The following MCC variants were observed in gnomAD, a reference collection of about 807,000 sequenced individuals.
MCC encodes MCC regulator of Wnt signaling pathway.
Under a neutral mutation model 116.2 loss-of-function variants are expected in MCC, and 90 were observed. That is an observed-to-expected ratio of 0.77 (90% CI 0.65 to 0.92). MCC has a LOEUF of 0.92. MCC is among the 40% of genes least tolerant of loss of function. The probability of loss-of-function intolerance (pLI) is 0.00; values close to 1 mark genes in which losing one functional copy is unlikely to be tolerated. For synonymous variants in MCC, 578 were observed against 510.5 expected (o/e 1.13, Z -1.78); for missense variants, 1,516 against 1,312.2 (o/e 1.16, Z -2.40).
At chr5:113,413,435 G>T (rs1770049351) in intron 1 of MCC, among the ~76,000 whole-genome samples, 1 of 152,134 alleles carries the variant, frequency 6.6e-6, no homozygotes, top group Non-Finnish European at 1.5e-5. Context: ...ATTGATTATT[G>T]CCTCAATTTC....
At chr5:113,356,528 T>C (rs1394313475) in intron 2 of MCC, among the ~76,000 whole-genome samples, 2 of 152,024 alleles carry the variant, frequency 1.3e-5, no homozygotes, top group African/African-American at 2.4e-5. Context: ...AAGTGGCAAT[T>C]TGACATATTT....
intron 2 of MCC, among the ~76,000 whole-genome samples, chr5:113,375,092 C>G (rs1360109399): frequency 6.6e-6 from 1 of 151,196 alleles, no homozygotes; most frequent in Non-Finnish European, 1.5e-5. Flanking sequence ...GTTCATATAA[C>G]TCGGTATGAT....
chr5:113,443,991 TTGTG>T (rs34145955), intron 1 of MCC, among the ~76,000 whole-genome samples: 50 of 144,072 alleles, frequency 3.5e-4, no homozygotes, highest in African/African-American at 8.9e-4. Context: ...CTCGGCTAAT[TTGTG>T]TGTGTGTGTG....
chr5:113,191,457 G>A (rs951291499), intron 3 of MCC, among the ~76,000 whole-genome samples: 7 of 152,204 alleles, frequency 4.6e-5, no homozygotes, highest in Admixed American at 2.6e-4. Context: ...TGGCCCTACC[G>A]AATCCAGAGG....
At chr5:113,110,584 G>T (rs1757030320) in intron 6 of MCC, among the ~76,000 whole-genome samples, 1 of 152,218 alleles carries the variant, frequency 6.6e-6, no homozygotes, top group Non-Finnish European at 1.5e-5. Context: ...AATTAAAGTT[G>T]TAGACCATTT....
chr5:113,372,944 C>T (rs1324309772), intron 2 of MCC, among the ~76,000 whole-genome samples: 2 of 151,988 alleles, frequency 1.3e-5, no homozygotes, highest in Non-Finnish European at 2.9e-5. Context: ...TTTGGGAGGC[C>T]GAGGCGGGCG....
chr5:113,103,579 C>T (rs996059801), intron 7 of MCC, among the ~76,000 whole-genome samples: 7 of 152,230 alleles, frequency 4.6e-5, no homozygotes, highest in African/African-American at 1.4e-4. Context: ...TTTGTGCAAT[C>T]CAGGATTCCT....
intron 3 of MCC, among the ~76,000 whole-genome samples, chr5:113,309,384 C>T (rs2150367530): frequency 6.6e-6 from 1 of 152,188 alleles, no homozygotes; most frequent in African/African-American, 2.4e-5. Context: ...ACTCTGCATG[C>T]CTCTGCATAC....
In MCC at chr5:113,232,705, T is replaced by C. The variant is rs141178726; in HGVS notation, c.628-81283A>G. On this transcript the variant is annotated intron_variant, in intron 3 of 18. Transcript: ENST00000408903. ...CCCATTTGAACACAAGAATACAGAA[T>C]TGCAAATTAAGTATAATTAATATAA... Among the ~76,000 whole-genome samples the C allele has an allele frequency of 2.1e-3, 321 of 152,260 alleles. 1 individual carries two copies. The highest frequency in any genetic ancestry group is 7.3e-3 in the African/African-American group (305 of 41,532).
At chr5:113,234,800 G>T (rs1764070852) in intron 3 of MCC, 1 of 152,150 alleles carries the variant, frequency 6.6e-6, no homozygotes, top group Non-Finnish European at 1.5e-5. Context: ...ATGACAAATA[G>T]AACACAAGCT....
At chr5:113,471,725 G>A (rs573639154) in intron 1 of MCC, among the ~76,000 whole-genome samples, 3 of 140,302 alleles carry the variant, frequency 2.1e-5, no homozygotes, top group South Asian at 5.1e-4. Flanking sequence ...AGTCTGCAGA[G>A]GTTACTGCTG....
At chr5:113,443,203 G>T (rs903131874) in intron 1 of MCC, among the ~76,000 whole-genome samples, 2 of 152,134 alleles carry the variant, frequency 1.3e-5, no homozygotes, top group Non-Finnish European at 2.9e-5. Context: ...TCCTTGAAGA[G>T]GTCCTTCACA....
At chr5:113,248,968 C>A (rs766698861) in intron 3 of MCC, among the ~76,000 whole-genome samples, 1 of 151,932 alleles carries the variant, frequency 6.6e-6, no homozygotes, top group Non-Finnish European at 1.5e-5. Flanking sequence ...CTCAGCCTCC[C>A]GAGTAGCTGG....
chr5:113,032,825 G>A (rs2112453), intron 17 of MCC, among the ~76,000 whole-genome samples: 101,888 of 152,024 alleles, frequency 0.67, 34,655 homozygotes, highest in East Asian at 0.79. Flanking sequence ...AACCCAAGAC[G>A]GCCACAAGAA....
intron 16 of MCC, 105 bp from the exon 17 acceptor site, chr5:113,043,735 T>G (rs1016315444): frequency 2.6e-6 from 2 of 760,096 alleles, no homozygotes. Flanking sequence ...ATGGCAGCAG[T>G]GTGGGCACCG....
chr5:113,298,622 A>T (rs981751308), intron 3 of MCC, among the ~76,000 whole-genome samples: 3 of 152,256 alleles, frequency 2.0e-5, no homozygotes, highest in Admixed American at 2.0e-4. Flanking sequence ...CAAAGTTCCT[A>T]AAAAGGGAGA....
chr5:113,476,634 C>G (rs769883717), intron 1 of MCC, among the ~76,000 whole-genome samples: 1 of 152,108 alleles, frequency 6.6e-6, no homozygotes, highest in Non-Finnish European at 1.5e-5. Flanking sequence ...TAGACAAAGA[C>G]TTTTTAGCGA....
intron 17 of MCC, 50 bp from the exon 18 acceptor site, chr5:113,029,106 G>A: frequency 6.4e-7 from 1 of 1,551,548 alleles, no homozygotes; most frequent in South Asian, 1.2e-5. Flanking sequence ...GATGATGCTG[G>A]AGGTGCCCAC....
chr5:113,131,612 G>T (rs1758432104), intron 5 of MCC, among the ~76,000 whole-genome samples: 2 of 152,126 alleles, frequency 1.3e-5, no homozygotes, highest in South Asian at 4.2e-4. Context: ...GCAGAAAAGA[G>T]AGGTGAGTAA....
Sources: allele counts gnomAD v4.1 joint callset (sites outside exome capture counted in the v4.1 genomes callset), GRCh38; gene constraint gnomAD v4.1.1; transcripts MANE v1.5; gene names NCBI Gene and HGNC (gene_info 2026-07-23, HGNC 2026-07-21).